Variants in PBX3 observed in about 807,000 individuals in gnomAD.
PBX3 encodes the protein PBX homeobox 3.
Under a neutral mutation model 48.5 loss-of-function variants are expected in PBX3, and 14 were observed. The ratio of observed to expected loss-of-function variants is 0.29; its 90% CI spans 0.19 to 0.45. PBX3 has a LOEUF of 0.45. PBX3 is among the 20% of genes least tolerant of loss of function. PBX3 has a pLI of 1.00. For synonymous variants in PBX3, 210 were observed against 200.3 expected (o/e 1.05, Z -0.41); for missense variants, 386 against 546.7 (o/e 0.71, Z 2.93).
chr9:125,892,566 A>G (rs1840674240), intron 2 of PBX3, among the ~76,000 whole-genome samples: 1 of 152,196 alleles, frequency 6.6e-6, no homozygotes, highest in Admixed American at 6.5e-5. Flanking sequence ...TTTATGCACT[A>G]AATAAAACCT....
chr9:125,788,890 A>G (rs1188171139), intron 2 of PBX3, among the ~76,000 whole-genome samples: 2 of 151,816 alleles, frequency 1.3e-5, no homozygotes, highest in African/African-American at 4.8e-5. Flanking sequence ...AAAAAAAGGA[A>G]AGCTTGCTGT....
At chr9:125,943,402 A>C (rs1842003651) in intron 5 of PBX3, among the ~76,000 whole-genome samples, 1 of 145,956 alleles carries the variant, frequency 6.9e-6, no homozygotes, top group Non-Finnish European at 1.5e-5. Context: ...AAAAAAAAGA[A>C]AGGAGAGAGA....
At chr9:125,826,644 G>T (rs1349279615) in intron 2 of PBX3, among the ~76,000 whole-genome samples, 3 of 151,958 alleles carry the variant, frequency 2.0e-5, no homozygotes, top group African/African-American at 4.8e-5. Context: ...TATAATAAAG[G>T]TAATGTCAGT....
intron 2 of PBX3, among the ~76,000 whole-genome samples, chr9:125,784,566 C>G (rs1360351235): frequency 2.6e-5 from 4 of 152,158 alleles, no homozygotes; most frequent in Non-Finnish European, 5.9e-5. Flanking sequence ...TGTGTTTGGA[C>G]TTGCAAAAAT....
intron 2 of PBX3, among the ~76,000 whole-genome samples, chr9:125,799,734 G>A (rs1455589137): frequency 6.6e-6 from 1 of 152,156 alleles, no homozygotes; most frequent in African/African-American, 2.4e-5. Flanking sequence ...AGGCATATAA[G>A]ATCCAGTTTA....
intron 2 of PBX3, among the ~76,000 whole-genome samples, chr9:125,860,884 C>T (rs1480469508): frequency 1.0e-5 from 1 of 99,112 alleles, no homozygotes; most frequent in Non-Finnish European, 2.1e-5. Flanking sequence ...AAGACTCTGT[C>T]AAAAAAAAAA....
At chr9:125,800,612 G>C (rs1251248830) in intron 2 of PBX3, among the ~76,000 whole-genome samples, 3 of 151,978 alleles carry the variant, frequency 2.0e-5, no homozygotes, top group Non-Finnish European at 4.4e-5. Flanking sequence ...CTAGTGGAGA[G>C]AATTTCTCTA....
chr9:125,843,474 A>G (rs1839340490), intron 2 of PBX3, among the ~76,000 whole-genome samples: 1 of 152,086 alleles, frequency 6.6e-6, no homozygotes, highest in African/African-American at 2.4e-5. Flanking sequence ...CCTAAATATT[A>G]TGGGCAGAAT....
intron 5 of PBX3, among the ~76,000 whole-genome samples, chr9:125,949,180 CAG>C (rs1842134443): frequency 6.6e-6 from 1 of 152,314 alleles, no homozygotes; most frequent in African/African-American, 2.4e-5. Context: ...TATTTATTAA[CAG>C]TGTGACCTTG....
intron 5 of PBX3, among the ~76,000 whole-genome samples, chr9:125,954,111 G>A (rs533482291): frequency 4.6e-5 from 7 of 152,228 alleles, no homozygotes; most frequent in South Asian, 4.1e-4. Context: ...TCATTGCCCC[G>A]AAGTATGAGA....
chr9:125,754,528 A>G (rs1836458809), intron 2 of PBX3, among the ~76,000 whole-genome samples: 1 of 152,116 alleles, frequency 6.6e-6, no homozygotes, highest in Admixed American at 6.6e-5. Flanking sequence ...TATTTAGCAA[A>G]TAATAAGTAA....
intron 2 of PBX3, among the ~76,000 whole-genome samples, chr9:125,863,306 C>T (rs1198262468): frequency 1.2e-4 from 18 of 149,274 alleles, no homozygotes; most frequent in Admixed American, 1.0e-3. Flanking sequence ...CAGGTTCAAG[C>T]GATTCTCCTG....
intron 2 of PBX3, among the ~76,000 whole-genome samples, chr9:125,876,836 G>A (rs1840264928): frequency 6.8e-6 from 1 of 148,036 alleles, no homozygotes; most frequent in Non-Finnish European, 1.5e-5. Context: ...GAAGGCTGGA[G>A]TGCAGTGGAG....
intron 5 of PBX3, chr9:125,949,476 G>A: frequency 6.5e-7 from 1 of 1,550,342 alleles, no homozygotes; most frequent in Non-Finnish European, 8.7e-7. Context: ...GTATGAGCCA[G>A]GGAGGGGCAT....
chr9:125,959,989 T>A (rs1294401755), intron 5 of PBX3, among the ~76,000 whole-genome samples: 1 of 152,218 alleles, frequency 6.6e-6, no homozygotes, highest in African/African-American at 2.4e-5. Context: ...AAATCTCTCT[T>A]CCATTTGCAC....
chr9:125,885,438 G>T (rs1840475850), intron 2 of PBX3, among the ~76,000 whole-genome samples: 1 of 152,074 alleles, frequency 6.6e-6, no homozygotes, highest in Admixed American at 6.5e-5. Flanking sequence ...ATTCCCGTCT[G>T]TACTTCTGGT....
Position 125,776,624 on chromosome 9 carries a change from C to T in PBX3, c.274+28001C>T, listed in dbSNP as rs565726180. Among the ~76,000 whole-genome samples the T allele has an allele frequency of 8.5e-5, 13 of 152,234 alleles. No homozygotes were observed. The South Asian group carries it at 2.7e-3, about 32-fold the overall frequency. ...AGTCTTGGCTCACTGCAAACTCTGCCCCCCGGGCTCAAGTGGTTCTCCCAC... is the reference window on the plus strand; with the variant it reads ...AGTCTTGGCTCACTGCAAACTCTGCTCCCCGGGCTCAAGTGGTTCTCCCAC... On this transcript the variant is annotated intron_variant, in intron 2 of 8. Coordinates refer to ENST00000373489, the MANE Select transcript of PBX3 (RefSeq NM_006195.6).
chr9:125,812,319 A>G (rs917986595), intron 2 of PBX3, among the ~76,000 whole-genome samples: 3 of 152,254 alleles, frequency 2.0e-5, no homozygotes, highest in Non-Finnish European at 2.9e-5. Flanking sequence ...AGTGAATAAT[A>G]AAACCAGCAG....
In PBX3 at chr9:125,960,984, G is replaced by C. The variant is rs1284422012; in HGVS notation, c.1009+135G>C. ...AAGGAAGATTTATGTTCAAATGCAG[G>C]CTTGTTCTTGAGATGGGTGAATGAG... is the stretch of plus-strand genomic sequence containing the variant. On this transcript the variant is annotated intron_variant, in intron 6 of 8. Coordinates refer to ENST00000373489, the MANE Select transcript of PBX3 (RefSeq NM_006195.6). 9 of 894,828 alleles carry C rather than the reference G, an allele frequency of 1.0e-5. No individual in the cohort carries two copies. The Admixed American group carries it at 2.6e-4, about 26-fold the overall frequency. The allele number at this position is 894,828 out of a possible 1,614,324, so 55.4% of individuals were successfully genotyped here.
Sources: allele counts gnomAD v4.1 joint callset (sites outside exome capture counted in the v4.1 genomes callset), GRCh38; gene constraint gnomAD v4.1.1; transcripts MANE v1.5; gene names NCBI Gene and HGNC (gene_info 2026-07-23, HGNC 2026-07-21).